ZFAT: variants seen among roughly 807,000 people sequenced by gnomAD.
ZFAT encodes the protein zinc finger and AT-hook domain containing.
Under a neutral mutation model 117.7 loss-of-function variants are expected in ZFAT, and 64 were observed. The observed-to-expected ratio is 0.54, with a 90% CI of 0.44 to 0.67. The LOEUF is 0.67. ZFAT is among the 30% of genes least tolerant of loss of function. The pLI, the probability that ZFAT is intolerant of heterozygous loss-of-function variation, is 0.00. For synonymous variants in ZFAT, 679 were observed against 615.0 expected, an observed-to-expected ratio of 1.10 and a Z score of -1.54; for missense variants, 1,433 against 1,584.5, an observed-to-expected ratio of 0.90 and a Z score of 1.62.
the ZFAT span, chr8:134,765,565 C>T: frequency 6.6e-6 from 1 of 152,196 alleles, no homozygotes; most frequent in African/African-American, 2.4e-5. Context: ...AACCACACAA[C>T]TTGTGACTGG....
intron 10 of ZFAT, among the ~76,000 whole-genome samples, chr8:134,568,004 C>T (rs552044690): frequency 1.1e-3 from 164 of 152,342 alleles, no homozygotes; most frequent in African/African-American, 3.7e-3. Flanking sequence ...GGGCTGCCTT[C>T]AGCTGCCCAT....
chr8:134,637,800 AG>A, intron 2 of ZFAT, 88 bp from the exon 3 acceptor site: 5 of 1,504,508 alleles, frequency 3.3e-6, no homozygotes, highest in Non-Finnish European at 4.4e-6. Context: ...GGATATGTTC[AG>A]GTTTCACGTT....
At chr8:134,635,632 AGAGTCAGGGAGAGAGG>A (rs1830160594) in intron 3 of ZFAT, among the ~76,000 whole-genome samples, 1 of 130,304 alleles carries the variant, frequency 7.7e-6, no homozygotes, top group African/African-American at 3.0e-5. Flanking sequence ...AGAGAGAGAG[AGAGTCAGGGAGAGAGG>A]GAGAGAGAGA....
At chr8:134,810,964 C>T in the ZFAT span, among the ~76,000 whole-genome samples, 3 of 151,728 alleles carry the variant, frequency 2.0e-5, no homozygotes, top group Non-Finnish European at 4.4e-5. Context: ...CTAGCTAGCA[C>T]CTGAGTCACT....
chr8:134,664,503 G>A (rs1475606518), intron 1 of ZFAT, among the ~76,000 whole-genome samples: 1 of 152,240 alleles, frequency 6.6e-6, no homozygotes, highest in Admixed American at 6.5e-5. Context: ...TGTTCCAAAA[G>A]CCCAGAGCAG....
At chr8:134,650,940 A>G (rs1033837149) in intron 2 of ZFAT, among the ~76,000 whole-genome samples, 1 of 152,276 alleles carries the variant, frequency 6.6e-6, no homozygotes, top group African/African-American at 2.4e-5. Flanking sequence ...GCTTAACATC[A>G]TTAATCATCA....
chr8:134,766,417 A>G, the ZFAT span: 1 of 152,174 alleles, frequency 6.6e-6, no homozygotes, highest in Non-Finnish European at 1.5e-5. Flanking sequence ...AGTACAACAA[A>G]TCTCCCTGTA....
chr8:134,769,967 C>A, the ZFAT span, among the ~76,000 whole-genome samples: 1 of 152,196 alleles, frequency 6.6e-6, no homozygotes, highest in Admixed American at 6.5e-5. Flanking sequence ...GGACACAGGG[C>A]ACCAAGCCCC....
intron 11 of ZFAT, among the ~76,000 whole-genome samples, chr8:134,549,508 C>T (rs1241550348): frequency 1.3e-5 from 2 of 151,918 alleles, no homozygotes; most frequent in East Asian, 1.9e-4. Context: ...CTGCTCAGTG[C>T]CTGAGAGTCA....
intron 2 of ZFAT, among the ~76,000 whole-genome samples, chr8:134,655,240 C>T (rs2131192804): frequency 6.6e-6 from 1 of 152,354 alleles, no homozygotes; most frequent in East Asian, 1.9e-4. Flanking sequence ...CTGTCTCTCA[C>T]TAATGCTGGT....
In ZFAT at chr8:134,601,846, G is replaced by C. The variant is rs746163673; in HGVS notation, c.1873C>G (p.Gln625Glu). ...PPDMQHRSSV[Q>E]TQGEVITLLL... ...AGTGTGATCACTTCACCTTGCGTCT[G>C]GACTGAGCTTCTGTGCTGCATGTCT... Residue 625 changes from glutamine (Q) to glutamate (E), a missense_variant, in exon 6 of 16, where the codon CAG (glutamine) becomes GAG (glutamate). Gln to Glu is a conservative substitution (Grantham distance 29). This residue lies in a region of ZFAT where 372 missense variants were observed against 355.6 expected (regional missense o/e 1.05). Transcript: ENST00000377838. 20 of 1,612,588 alleles carry C rather than the reference G, an allele frequency of 1.2e-5. No individual in the cohort carries two copies. Among genetic ancestry groups the C allele is most frequent in the Non-Finnish European group, 1.5e-5 (18 of 1,179,102 alleles).
intron 13 of ZFAT, among the ~76,000 whole-genome samples, chr8:134,519,442 G>A (rs190578470): frequency 6.3e-4 from 96 of 152,248 alleles, no homozygotes; most frequent in Non-Finnish European, 9.9e-4. Flanking sequence ...GTATATATGT[G>A]TGCATATATT....
rs1286999861 is a variant in ZFAT at position 134,608,790 on chromosome 8, T to C, written c.724A>G (p.Arg242Gly). Residue 242 changes from arginine to glycine, a missense_variant, in exon 5 of 16, where the codon AGA (arginine) becomes GGA (glycine). Coordinates refer to ENST00000377838, the MANE Select transcript of ZFAT (RefSeq NM_020863.4). The stretch of plus-strand genomic sequence containing the variant: ...TGAATGGCGTATTCCTGGTAGCCTC[T>C]CCGAGGCACCAGGTCTGCTGAAGTG... ...ETTSADLVPR[R>G]GYQEYAIQQT... 1 of 1,611,156 alleles carries C rather than the reference T, an allele frequency of 6.2e-7. No homozygotes were observed. The highest frequency in any genetic ancestry group is 2.2e-5 in the East Asian group (1 of 44,700).
the ZFAT span, among the ~76,000 whole-genome samples, chr8:134,752,606 C>T: frequency 6.6e-6 from 1 of 152,138 alleles, no homozygotes; most frequent in South Asian, 2.1e-4. Context: ...AAAACAAAAT[C>T]CCACAGACTG....
chr8:134,749,484 C>T, the ZFAT span, among the ~76,000 whole-genome samples: 1 of 152,178 alleles, frequency 6.6e-6, no homozygotes, highest in Non-Finnish European at 1.5e-5. Context: ...GCTCAAGCCT[C>T]ATTTATAAGG....
intron 1 of ZFAT, among the ~76,000 whole-genome samples, chr8:134,700,727 T>G (rs1234272281): frequency 6.6e-6 from 1 of 152,168 alleles, no homozygotes; most frequent in African/African-American, 2.4e-5. Context: ...CCCCTTGGCC[T>G]GGTCACTCTG....
At chr8:134,826,897 C>G in the ZFAT span, among the ~76,000 whole-genome samples, 1 of 152,116 alleles carries the variant, frequency 6.6e-6, no homozygotes, top group African/African-American at 2.4e-5. Flanking sequence ...TGTATTGACG[C>G]TATAGGTAAG....
chr8:134,518,955 A>G (rs894686171), intron 13 of ZFAT, among the ~76,000 whole-genome samples: 3 of 152,136 alleles, frequency 2.0e-5, no homozygotes, highest in Admixed American at 6.5e-5. Flanking sequence ...CTAAATTTCC[A>G]TATGTCATTG....
chr8:134,725,960 G>C, the ZFAT span, among the ~76,000 whole-genome samples: 3 of 152,062 alleles, frequency 2.0e-5, no homozygotes, highest in East Asian at 1.9e-4. Flanking sequence ...TTAATTAGTG[G>C]ACTTATTCCA....
Sources: allele counts gnomAD v4.1 joint callset (sites outside exome capture counted in the v4.1 genomes callset), GRCh38; gene constraint gnomAD v4.1.1; regional missense constraint gnomAD v4.1.1; transcripts MANE v1.5; gene names NCBI Gene and HGNC (gene_info 2026-07-23, HGNC 2026-07-21).